KATNAL1: variants seen among roughly 807,000 people sequenced by gnomAD.
KATNAL1 encodes the protein katanin p60 ATPase-containing subunit A-like 1.
KATNAL1 carries 32 observed loss-of-function variants against 55.2 expected under a neutral mutation model. The observed-to-expected ratio is 0.58, with a 90% confidence interval of 0.44 to 0.78. The LOEUF (loss-of-function observed/expected upper bound fraction) is 0.78. KATNAL1 is among the 30% of genes least tolerant of loss of function. The pLI, the probability that KATNAL1 is intolerant of heterozygous loss-of-function variation, is 0.00. For missense variants in KATNAL1, 466 were observed against 600.9 expected, an observed-to-expected ratio of 0.78 and a Z score of 2.35; for synonymous variants, 193 against 193.6, an observed-to-expected ratio of 1.00 and a Z score of 0.02.
At chr13:30,214,668 G>A (rs1384268940) in intron 9 of KATNAL1, among the ~76,000 whole-genome samples, 2 of 152,058 alleles carry the variant, frequency 1.3e-5, no homozygotes, top group Non-Finnish European at 2.9e-5. Flanking sequence ...AACAAGCAAT[G>A]GGGAAAGGAT....
In KATNAL1 at chr13:30,236,094, T is replaced by C. The variant is rs1876648587; in HGVS notation, c.726+4366A>G. Among the ~76,000 whole-genome samples, 4 of 152,276 alleles carry C rather than the reference T, an allele frequency of 2.6e-5. No individual in the cohort carries two copies. The South Asian group carries it at 8.3e-4, about 32-fold the overall frequency. ...GAAGGAAAAGGAGGGGCTGTCTTGTTGTCTCTGGGGCAGCAGAGGCAGAAG... is the reference window on the plus strand; with the variant it reads ...GAAGGAAAAGGAGGGGCTGTCTTGTCGTCTCTGGGGCAGCAGAGGCAGAAG... On this transcript the variant is annotated intron_variant, in intron 6 of 10. Coordinates refer to ENST00000380615, the MANE Select transcript of KATNAL1 (RefSeq NM_032116.5).
chr13:30,219,386 G>A (rs181121610), intron 9 of KATNAL1, among the ~76,000 whole-genome samples: 141 of 152,184 alleles, frequency 9.3e-4, no homozygotes, highest in Non-Finnish European at 1.5e-3. Context: ...CAGTTAAAAT[G>A]CAACTTCCTC....
At chr13:30,305,456 TAGAC>T (rs1437216027) in intron 1 of KATNAL1, among the ~76,000 whole-genome samples, 1 of 152,246 alleles carries the variant, frequency 6.6e-6, no homozygotes, top group Non-Finnish European at 1.5e-5. Flanking sequence ...CTGACTTCCT[TAGAC>T]AGAGTCAGGA....
chr13:30,282,791 A>G (rs1172942811), intron 2 of KATNAL1, among the ~76,000 whole-genome samples: 1 of 150,774 alleles, frequency 6.6e-6, no homozygotes, highest in Non-Finnish European at 1.5e-5. Context: ...CATCTCTACT[A>G]AAAAATAGAA....
chr13:30,263,939 C>T (rs1370444509), intron 3 of KATNAL1, among the ~76,000 whole-genome samples: 1 of 150,308 alleles, frequency 6.7e-6, no homozygotes, highest in Non-Finnish European at 1.5e-5. Flanking sequence ...GCCAAAAGAA[C>T]AAAGCTGGAG....
chr13:30,210,242 A>G (rs1593821753), intron 10 of KATNAL1, 74 bp downstream of exon 10: 1 of 1,309,596 alleles, frequency 7.6e-7, no homozygotes, highest in Non-Finnish European at 1.0e-6. Flanking sequence ...TGGGCTAACT[A>G]CATTGACTTT....
chr13:30,236,268 A>C (rs780022219), intron 6 of KATNAL1, among the ~76,000 whole-genome samples: 2 of 152,202 alleles, frequency 1.3e-5, no homozygotes, highest in East Asian at 3.8e-4. Flanking sequence ...CCAGCTGGTC[A>C]TAAGAGTGAC....
chr13:30,223,661 TA>T (rs1875154180), intron 9 of KATNAL1, among the ~76,000 whole-genome samples: 1 of 152,076 alleles, frequency 6.6e-6, no homozygotes, highest in Non-Finnish European at 1.5e-5. Flanking sequence ...GTAACAATGA[TA>T]ATTTATTTAC....
At chr13:30,306,636 T>C (rs2137582802) in intron 1 of KATNAL1, 1 of 152,376 alleles carries the variant, frequency 6.6e-6, no homozygotes, top group Middle Eastern at 3.4e-3. Context: ...ATGGGTTTAA[T>C]ATGCAAACAC....
chr13:30,208,695 T>A lies in KATNAL1; in HGVS notation c.1318A>T (p.Ser440Cys), dbSNP rs1400401690. ...GAAAGTGCACGGATTTCTTCTGGAC[T>A]TAAGCCATTGATACGCCGTCTCATT... is the stretch of plus-strand genomic sequence containing the variant. Reference protein sequence around the residue: ...MAMRRRINGLSPEEIRALSKE... With the variant: ...MAMRRRINGLCPEEIRALSKE... The change falls in exon 11 of 11, where the codon AGT (serine) becomes TGT (cysteine). Residue 440 changes from serine to cysteine, a missense_variant. By Grantham distance (112) the Ser-to-Cys change is moderately radical. Coordinates refer to ENST00000380615, the MANE Select transcript of KATNAL1 (RefSeq NM_032116.5). 1 of 1,613,628 alleles carries A rather than the reference T, an allele frequency of 6.2e-7. No individual in the cohort carries two copies. The highest frequency in any genetic ancestry group is 1.1e-5 in the South Asian group (1 of 90,874).
At chr13:30,209,763 C>G (rs975323775) in intron 10 of KATNAL1, among the ~76,000 whole-genome samples, 1 of 152,144 alleles carries the variant, frequency 6.6e-6, no homozygotes, top group Non-Finnish European at 1.5e-5. Flanking sequence ...TCATTATTAT[C>G]GAGTTAGACA....
At chr13:30,285,748 T>C (rs184862411) in intron 1 of KATNAL1, among the ~76,000 whole-genome samples, 1 of 151,994 alleles carries the variant, frequency 6.6e-6, no homozygotes, top group Non-Finnish European at 1.5e-5. Flanking sequence ...CACAGAAAAA[T>C]GTGGGAAACT....
intron 3 of KATNAL1, among the ~76,000 whole-genome samples, chr13:30,279,748 A>C (rs1881132298): frequency 6.6e-6 from 1 of 152,214 alleles, no homozygotes; most frequent in African/African-American, 2.4e-5. Flanking sequence ...CAAGCAAAAA[A>C]GCAAAACTAT....
chr13:30,249,585 T>C (rs1276048255), intron 4 of KATNAL1, among the ~76,000 whole-genome samples: 1 of 152,076 alleles, frequency 6.6e-6, no homozygotes, highest in African/African-American at 2.4e-5. Flanking sequence ...TACAACACCA[T>C]GAAATAATCT....
chr13:30,206,300 A>G lies in KATNAL1; in HGVS notation c.*2240T>C, dbSNP rs1237013937. On this transcript the variant is annotated 3_prime_UTR_variant, in exon 11 of 11. Coordinates refer to ENST00000380615, the MANE Select transcript of KATNAL1 (RefSeq NM_032116.5). ...AGTCTCAAAATAAATAAATAAATAA[A>G]ATAAAATAAAATAAAAGTTAAATAG... is the stretch of plus-strand genomic sequence containing the variant. The G allele has an allele frequency of 6.6e-6, 1 of 151,838 alleles. No homozygotes were observed. Among genetic ancestry groups the G allele is most frequent in the Non-Finnish European group, 1.5e-5 (1 of 67,992 alleles). 9.4% of individuals were successfully genotyped at this position (151,838 alleles called of 1,614,324 possible). A position where few individuals can be genotyped will look rare whatever the true frequency, so the allele number is the denominator to read the frequency against.
chr13:30,277,927 G>A (rs1471550651), intron 3 of KATNAL1, among the ~76,000 whole-genome samples: 3 of 137,686 alleles, frequency 2.2e-5, no homozygotes, highest in African/African-American at 5.5e-5. Context: ...AGCTTGCAGT[G>A]AGCCGAGATT....
chr13:30,289,141 TATTC>T (rs1308693387), intron 1 of KATNAL1, among the ~76,000 whole-genome samples: 1 of 152,236 alleles, frequency 6.6e-6, no homozygotes, highest in Non-Finnish European at 1.5e-5. Context: ...CTACACACAC[TATTC>T]ATTAAGATTA....
At chr13:30,272,028 G>C (rs1282830683) in intron 3 of KATNAL1, among the ~76,000 whole-genome samples, 1 of 152,182 alleles carries the variant, frequency 6.6e-6, no homozygotes, top group East Asian at 1.9e-4. Flanking sequence ...TCATTATTAA[G>C]TGAGGAAGTT....
At chr13:30,227,274 C>T in intron 9 of KATNAL1, 138 bp downstream of exon 9, 1 of 669,164 alleles carries the variant, frequency 1.5e-6, no homozygotes, top group Non-Finnish European at 2.4e-6. Context: ...GTACTGTGGC[C>T]TGTGTTCACA....
Sources: allele counts gnomAD v4.1 joint callset (sites outside exome capture counted in the v4.1 genomes callset), GRCh38; gene constraint gnomAD v4.1.1; transcripts MANE v1.5; gene names NCBI Gene and HGNC (gene_info 2026-07-23, HGNC 2026-07-21).